PIGX: variants seen among roughly 807,000 people sequenced by gnomAD.
PIGX encodes the protein GPI alpha-1,4-mannosyltransferase I, stabilizing subunit.
Under a neutral mutation model 28.7 loss-of-function variants are expected in PIGX, and 24 were observed. The observed-to-expected ratio is 0.84, with a 90% CI of 0.60 to 1.17. The LOEUF is 1.17. Ranked by LOEUF, PIGX falls within the 50% of genes most tolerant of loss-of-function variation. The pLI, the probability that PIGX is intolerant of heterozygous loss-of-function variation, is 0.00. For missense variants in PIGX, 305 were observed against 317.8 expected (o/e 0.96, Z 0.31); for synonymous variants, 127 against 121.0 (o/e 1.05, Z -0.33).
chr3:196,727,196 T>C (rs1233203288), intron 3 of PIGX, among the ~76,000 whole-genome samples: 2 of 152,182 alleles, frequency 1.3e-5, no homozygotes, highest in Non-Finnish European at 2.9e-5. Context: ...ATATAATGCC[T>C]GTGTGTGTAT....
chr3:196,732,214 ATT>A (rs1281693519), intron 5 of PIGX, among the ~76,000 whole-genome samples: 36 of 33,108 alleles, frequency 1.1e-3, no homozygotes, highest in African/African-American at 4.3e-3. Context: ...TGTATATATT[ATT>A]TATATATATA....
At chr3:196,728,178 T>G (rs1358491856) in intron 4 of PIGX, 42 bp downstream of exon 4, 2 of 1,522,914 alleles carry the variant, frequency 1.3e-6, no homozygotes, top group Non-Finnish European at 9.1e-7. Context: ...AACATCAGAA[T>G]AAAGGTATGG....
At position 196,733,809 on chromosome 3, in the gene PIGX, C is replaced by A. The variant is rs34830136; in HGVS notation, c.684C>A (p.Thr228=). ...TTCCAGTGGGACTGACTGTACATAC[C>A]TCTCTAGTATGTTCTGTGACTCTGC... The change falls in exon 6 of 6, where the codon ACC becomes ACA. Residue 228 remains threonine (T), a synonymous_variant. Coordinates refer to ENST00000392391, the MANE Select transcript of PIGX (RefSeq NM_017861.4). This position sits in a 1 kb window ranked among gnomAD's most constrained non-coding sequence, Gnocchi z 4.3. The A allele has an allele frequency of 8.4e-6, 13 of 1,555,432 alleles. No individual in the cohort carries two copies. The African/African-American group carries it at 1.6e-4, about 19-fold the overall frequency.
chr3:196,717,367 A>G (rs1039278382), intron 2 of PIGX, among the ~76,000 whole-genome samples: 1 of 152,164 alleles, frequency 6.6e-6, no homozygotes, highest in Non-Finnish European at 1.5e-5. Context: ...TGTGGTTCAC[A>G]CTTTGAAATA....
Position 196,728,018 on chromosome 3 carries a change from C to T in PIGX, c.414C>T (p.Cys138=), listed in dbSNP as rs1173267342. 1.2e-5 allele frequency: 19 copies of T among 1,613,612 alleles called. No homozygotes were observed. Among genetic ancestry groups the T allele is most frequent in the Non-Finnish European group, 1.3e-5 (15 of 1,179,642 alleles). Residue 138 remains cysteine (C), a synonymous_variant, in exon 4 of 6, where the codon TGC becomes TGT. Coordinates refer to ENST00000392391, the MANE Select transcript of PIGX (RefSeq NM_017861.4). ...TTTATGCCAGACGAGATTCACAGTG[C>T]ATTGACTGTTTTCAAGCCTTTTTGC...
chr3:196,726,985 G>T (rs1333263405), intron 3 of PIGX, among the ~76,000 whole-genome samples: 1 of 152,054 alleles, frequency 6.6e-6, no homozygotes, highest in African/African-American at 2.4e-5. Context: ...CTTGACTTTT[G>T]CCAATGAGTT....
intron 3 of PIGX, among the ~76,000 whole-genome samples, chr3:196,724,022 G>GT (rs1462271791): frequency 0.011 from 1,482 of 129,968 alleles, 13 homozygotes; most frequent in African/African-American, 0.025. Context: ...TTAATTTAAT[G>GT]TTTTTTTTTT....
intron 2 of PIGX, among the ~76,000 whole-genome samples, chr3:196,719,701 A>G (rs549359002): frequency 6.6e-6 from 1 of 152,232 alleles, no homozygotes; most frequent in Non-Finnish European, 1.5e-5. Context: ...TGAACCCCAC[A>G]ATATATTGTT....
At chr3:196,715,102 A>AT (rs1052072174) in intron 1 of PIGX, among the ~76,000 whole-genome samples, 2 of 152,136 alleles carry the variant, frequency 1.3e-5, no homozygotes, top group Non-Finnish European at 2.9e-5. Context: ...ATAAATAAAA[A>AT]TAAAAAAAGA....
chr3:196,722,490 C>G lies in PIGX; in HGVS notation c.252C>G (p.Asp84Glu), dbSNP rs1453677394. ...CCTGCCGTCTCTTAATTAAACAGGA[C>G]ATTCCTGCAGGACTTTATGTGGATC... The change falls in exon 3 of 6, where the codon GAC (aspartate) becomes GAG (glutamate). Residue 84 changes from aspartate to glutamate, a missense_variant. Coordinates refer to ENST00000392391, the MANE Select transcript of PIGX (RefSeq NM_017861.4). 1.2e-6 allele frequency: 2 copies of G among 1,612,530 alleles called. No individual in the cohort carries two copies. Among genetic ancestry groups the G allele is most frequent in the African/African-American group, 2.7e-5 (2 of 74,878 alleles).
intron 3 of PIGX, among the ~76,000 whole-genome samples, chr3:196,722,910 G>C (rs57407890): frequency 3.3e-5 from 5 of 152,110 alleles, no homozygotes; most frequent in Non-Finnish European, 7.4e-5. Context: ...GATATGTGAG[G>C]AGAAGAAACT....
chr3:196,714,171 A>G (rs1410290992), intron 1 of PIGX, among the ~76,000 whole-genome samples: 3 of 152,190 alleles, frequency 2.0e-5, no homozygotes, highest in Non-Finnish European at 4.4e-5. Flanking sequence ...ATGAAGAAAG[A>G]TCTGGATTTG....
intron 4 of PIGX, chr3:196,728,642 TG>T (rs1401719332): frequency 1.3e-6 from 1 of 765,830 alleles, no homozygotes; most frequent in East Asian, 2.4e-5. Flanking sequence ...TGGTCATAGC[TG>T]GGGTTTTGCT....
chr3:196,720,240 G>A (rs1712270701), intron 2 of PIGX, among the ~76,000 whole-genome samples: 1 of 152,132 alleles, frequency 6.6e-6, no homozygotes, highest in Admixed American at 6.5e-5. Context: ...CCAGCTCCTG[G>A]CAACCAGCAT....
intron 1 of PIGX, among the ~76,000 whole-genome samples, chr3:196,714,704 C>T (rs1712016024): frequency 6.6e-6 from 1 of 152,170 alleles, no homozygotes; most frequent in Non-Finnish European, 1.5e-5. Flanking sequence ...TTGTGATCTG[C>T]CTGCCTCCCC....
At chr3:196,723,549 A>G (rs1279922083) in intron 3 of PIGX, among the ~76,000 whole-genome samples, 1 of 151,928 alleles carries the variant, frequency 6.6e-6, no homozygotes, top group East Asian at 1.9e-4. Context: ...ATTGCCTTCC[A>G]GGGAAATCCT....
intron 4 of PIGX, chr3:196,728,622 G>T: frequency 1.3e-6 from 1 of 761,854 alleles, no homozygotes; most frequent in South Asian, 1.4e-5. Flanking sequence ...TGGGCCATTT[G>T]ACCTGTAGTT....
intron 5 of PIGX, among the ~76,000 whole-genome samples, chr3:196,732,024 C>G (rs1048963251): frequency 2.4e-4 from 36 of 149,578 alleles, no homozygotes; most frequent in Non-Finnish European, 1.5e-4. Flanking sequence ...CGGGGTTTCA[C>G]CTTGTTGGTC....
intron 2 of PIGX, among the ~76,000 whole-genome samples, chr3:196,719,823 G>T (rs368274376): frequency 2.0e-5 from 3 of 150,608 alleles, no homozygotes; most frequent in Non-Finnish European, 4.4e-5. Context: ...ATGGGGTCTC[G>T]CTCTGTTGCC....
Sources: gnomAD v4.1 joint callset for allele counts (sites outside exome capture counted in the v4.1 genomes callset) on GRCh38, gnomAD v4.1.1 for gene constraint, Gnocchi (gnomAD v3.1) non-coding constraint, MANE v1.5 for transcripts, NCBI Gene and HGNC (gene_info 2026-07-23, HGNC 2026-07-21) for gene names.